HAUS6: variants seen among roughly 807,000 people sequenced by gnomAD.
HAUS6 encodes HAUS augmin like complex subunit 6, also known as HAUS augmin-like complex subunit 6.
A neutral mutation model predicts 106.8 loss-of-function variants in HAUS6; 80 were observed. That is an observed-to-expected ratio of 0.75 (90% CI 0.63 to 0.90). The LOEUF is 0.90. Ranked by LOEUF, HAUS6 falls within the 40% of genes least tolerant of loss-of-function variation. The pLI is 0.00. For synonymous variants in HAUS6, 356 were observed against 379.1 expected, an observed-to-expected ratio of 0.94 and a Z score of 0.71; for missense variants, 1,155 against 1,118.1, an observed-to-expected ratio of 1.03 and a Z score of -0.47.
At chr9:19,096,429 G>A (rs1277607674) in intron 2 of HAUS6, among the ~76,000 whole-genome samples, 1 of 152,122 alleles carries the variant, frequency 6.6e-6, no homozygotes, top group Non-Finnish European at 1.5e-5. Context: ...GCTAGGCGTC[G>A]TGGCAGTCAC....
chr9:19,076,263 G>A (rs139253657), intron 11 of HAUS6, among the ~76,000 whole-genome samples: 269 of 151,920 alleles, frequency 1.8e-3, no homozygotes, highest in African/African-American at 6.3e-3. Flanking sequence ...TGAGGTGGGA[G>A]GATCACTTGA....
At chr9:19,090,857 C>G (rs1817729660) in intron 4 of HAUS6, among the ~76,000 whole-genome samples, 1 of 152,166 alleles carries the variant, frequency 6.6e-6, no homozygotes, top group African/African-American at 2.4e-5. Flanking sequence ...GAGAATAACT[C>G]ATGTAAATAT....
At chr9:19,098,049 T>C (rs1285327684) in intron 1 of HAUS6, among the ~76,000 whole-genome samples, 1 of 152,224 alleles carries the variant, frequency 6.6e-6, no homozygotes, top group Non-Finnish European at 1.5e-5. Context: ...CTCTCAAACC[T>C]GTTGTTTTTT....
rs1274405402 is a variant in HAUS6, at chr9:19,056,119, C to T, written c.*224G>A. The T allele has an allele frequency of 1.2e-5, 5 of 415,752 alleles. No individual in the cohort carries two copies. Among genetic ancestry groups the T allele is most frequent in the African/African-American group, 8.1e-5 (4 of 49,206 alleles). The allele number at this position is 415,752 out of a possible 1,614,324, so 25.8% of individuals were successfully genotyped here. A position where few individuals can be genotyped will look rare whatever the true frequency, so the allele number is the denominator to read the frequency against. ...TTCCCATTGCTTGACGTTTGTTGTCCAAATACTTCACATTTCAATCTCATA... is the reference window on the plus strand; with the variant it reads ...TTCCCATTGCTTGACGTTTGTTGTCTAAATACTTCACATTTCAATCTCATA... On this transcript the variant is annotated 3_prime_UTR_variant, in exon 17 of 17. Transcript: ENST00000380502.
chr9:19,076,730 G>A (rs779239489), intron 10 of HAUS6, 26 bp from the exon 11 acceptor site: 5 of 1,022,844 alleles, frequency 4.9e-6, no homozygotes, highest in Non-Finnish European at 7.7e-6. Flanking sequence ...TCACAATTTT[G>A]AAGTAAACAT....
At chr9:19,092,911 T>A (rs1381908788) in intron 4 of HAUS6, among the ~76,000 whole-genome samples, 3 of 120,330 alleles carry the variant, frequency 2.5e-5, no homozygotes, top group East Asian at 4.9e-4. Context: ...AGCGAAACTG[T>A]GTCTCAAAAA....
At position 19,099,150 on chromosome 9, in the gene HAUS6, T is replaced by C. The variant is rs1269813925; in HGVS notation, c.129-2381A>G. Among the ~76,000 whole-genome samples, 24 of 150,826 alleles carry C rather than the reference T, an allele frequency of 1.6e-4. No individual in the cohort carries two copies. In the South Asian group the frequency reaches 2.7e-3, roughly 17 times the overall value. On this transcript the variant is annotated intron_variant, in intron 1 of 16. Transcript: ENST00000380502. Reference sequence around the variant, plus strand: ...GTAAGTGAATAAAAAATAATGGGGTTTTTTTTGTTTGTTTTTTTGTGTTTT... The same window carrying C: ...GTAAGTGAATAAAAAATAATGGGGTCTTTTTTGTTTGTTTTTTTGTGTTTT...
chr9:19,102,450 G>T, intron 1 of HAUS6, 74 bp downstream of exon 1: 3 of 1,485,132 alleles, frequency 2.0e-6, no homozygotes, highest in East Asian at 2.3e-5. Flanking sequence ...CAACCTCCGG[G>T]GTCTACAAAA....
At chr9:19,088,163 C>T (rs937085603) in intron 5 of HAUS6, among the ~76,000 whole-genome samples, 13 of 152,278 alleles carry the variant, frequency 8.5e-5, no homozygotes, top group African/African-American at 2.9e-4. Context: ...GCCTATAATC[C>T]CAGCACTTTG....
At chr9:19,065,399 T>C (rs1197483066) in intron 12 of HAUS6, among the ~76,000 whole-genome samples, 2 of 152,214 alleles carry the variant, frequency 1.3e-5, no homozygotes, top group Non-Finnish European at 2.9e-5. Context: ...ACACTTTTTA[T>C]AGTAGTAAAA....
At chr9:19,096,141 C>T (rs1041729303) in intron 2 of HAUS6, among the ~76,000 whole-genome samples, 37 of 151,930 alleles carry the variant, frequency 2.4e-4, no homozygotes, top group African/African-American at 8.5e-4. Context: ...TTATAAAATA[C>T]ACAATGATTT....
chr9:19,095,378 A>C (rs779695180), intron 2 of HAUS6, among the ~76,000 whole-genome samples: 3 of 152,108 alleles, frequency 2.0e-5, no homozygotes, highest in Admixed American at 6.6e-5. Flanking sequence ...CATGCATAGG[A>C]AACAAAAAGA....
chr9:19,065,648 C>A (rs1836746651), intron 12 of HAUS6, among the ~76,000 whole-genome samples: 1 of 152,098 alleles, frequency 6.6e-6, no homozygotes, highest in Non-Finnish European at 1.5e-5. Flanking sequence ...GAAGACCAGC[C>A]TCGCCAACAT....
chr9:19,076,843 T>A, intron 10 of HAUS6, 139 bp from the exon 11 acceptor site: 1 of 580,904 alleles, frequency 1.7e-6, no homozygotes, highest in Non-Finnish European at 3.1e-6. Flanking sequence ...TAACTATTTT[T>A]ATTTATTTAT....
chr9:19,087,287 C>G, intron 5 of HAUS6, 131 bp from the exon 6 acceptor site: 1 of 644,978 alleles, frequency 1.6e-6, no homozygotes, highest in South Asian at 1.9e-5. Context: ...CTAAAGGACT[C>G]TAGACTCTCT....
chr9:19,063,257 C>A (rs1313182613), intron 13 of HAUS6, 64 bp from the exon 14 acceptor site: 6 of 1,050,484 alleles, frequency 5.7e-6, no homozygotes, highest in Non-Finnish European at 7.0e-6. Flanking sequence ...AAGCTGTCTT[C>A]ATTAGCAGTT....
At chr9:19,069,880 G>C (rs193191735) in intron 12 of HAUS6, among the ~76,000 whole-genome samples, 1 of 152,232 alleles carries the variant, frequency 6.6e-6, no homozygotes, top group East Asian at 1.9e-4. Context: ...AGGATCACTT[G>C]AGGCCAAGAG....
Position 19,097,489 on chromosome 9 carries a change from A to C in HAUS6, c.129-720T>G, listed in dbSNP as rs371110289. Among the ~76,000 whole-genome samples, 622 of 152,248 alleles carry C rather than the reference A, an allele frequency of 4.1e-3. 18 individuals carry two copies. In the East Asian group the frequency reaches 0.059, roughly 14 times the overall value. ...GAAGACATTTATGCAGCCAAAAAAC[A>C]CATGAAAAAATGCTCATCATCACTG... On this transcript the variant is annotated intron_variant, in intron 1 of 16. Coordinates refer to ENST00000380502, the MANE Select transcript of HAUS6 (RefSeq NM_017645.5).
At chr9:19,080,789 C>T in intron 8 of HAUS6, 117 bp from the exon 9 acceptor site, 1 of 640,508 alleles carries the variant, frequency 1.6e-6, no homozygotes, top group South Asian at 2.0e-5. Flanking sequence ...AGGGAAAGGC[C>T]AGACGCAACG....
Sources: allele counts gnomAD v4.1 joint callset (sites outside exome capture counted in the v4.1 genomes callset), GRCh38; gene constraint gnomAD v4.1.1; transcripts MANE v1.5; gene names NCBI Gene and HGNC (gene_info 2026-07-23, HGNC 2026-07-21).